Variants in UCK2 observed in about 807,000 individuals in gnomAD.
The protein encoded by UCK2 is uridine-cytidine kinase 2.
Under a neutral mutation model 30.8 loss-of-function variants are expected in UCK2, and 6 were observed. That is an observed-to-expected ratio of 0.19 (90% CI 0.11 to 0.38). UCK2 has a LOEUF of 0.38. UCK2 is among the 10% of genes least tolerant of loss of function. The pLI is 1.00. For missense variants in UCK2, 210 were observed against 339.8 expected (o/e 0.62, Z 3.00); for synonymous variants, 125 against 133.6 (o/e 0.94, Z 0.45).
At chr1:165,878,858 TG>T (rs1458756184) in intron 1 of UCK2, among the ~76,000 whole-genome samples, 2 of 152,268 alleles carry the variant, frequency 1.3e-5, no homozygotes, top group Non-Finnish European at 2.9e-5. Flanking sequence ...CTGGATTGTA[TG>T]GTAAGACTGT....
At chr1:165,833,375 C>T (rs376951061) in intron 1 of UCK2, among the ~76,000 whole-genome samples, 5 of 152,062 alleles carry the variant, frequency 3.3e-5, no homozygotes, top group Non-Finnish European at 5.9e-5. Context: ...CAAGGATGTC[C>T]GCATTTGCTG....
At chr1:165,905,246 G>A (rs530800090) in intron 5 of UCK2, among the ~76,000 whole-genome samples, 11 of 152,218 alleles carry the variant, frequency 7.2e-5, no homozygotes, top group Non-Finnish European at 1.5e-4. Context: ...ACTTTGGGAG[G>A]CCCAGGTGGG....
At chr1:165,883,785 A>T (rs904742307) in intron 1 of UCK2, among the ~76,000 whole-genome samples, 1 of 152,154 alleles carries the variant, frequency 6.6e-6, no homozygotes, top group Non-Finnish European at 1.5e-5. Flanking sequence ...GTTCTTCACA[A>T]TAAATCTTGC....
intron 3 of UCK2, chr1:165,894,203 G>C (rs896163098): frequency 6.6e-6 from 1 of 152,178 alleles, no homozygotes; most frequent in Non-Finnish European, 1.5e-5. Flanking sequence ...TTTCATATAA[G>C]GGATACTTAA....
intron 1 of UCK2, among the ~76,000 whole-genome samples, chr1:165,880,970 G>A (rs1021255388): frequency 1.3e-4 from 19 of 151,724 alleles, no homozygotes; most frequent in African/African-American, 3.6e-4. Context: ...TCAGGAGTTC[G>A]AGACCAGCCT....
At chr1:165,843,540 G>T (rs1372946529) in intron 1 of UCK2, among the ~76,000 whole-genome samples, 2 of 152,126 alleles carry the variant, frequency 1.3e-5, no homozygotes, top group Admixed American at 6.5e-5. Context: ...CACTTTGGGA[G>T]GTCAAGGCAG....
chr1:165,861,615 G>A (rs12122132), intron 1 of UCK2, among the ~76,000 whole-genome samples: 22,096 of 78,978 alleles, frequency 0.28, 2,905 homozygotes, highest in Middle Eastern at 0.38. Context: ...GCGACAGAGC[G>A]AGACTCCGTC....
chr1:165,837,653 C>G (rs907933872), intron 1 of UCK2, among the ~76,000 whole-genome samples: 4 of 152,172 alleles, frequency 2.6e-5, no homozygotes, highest in Non-Finnish European at 5.9e-5. Context: ...AGTCTATCTT[C>G]TCTAGACTGA....
chr1:165,899,053 C>T (rs1046148634), intron 4 of UCK2, among the ~76,000 whole-genome samples: 8 of 152,140 alleles, frequency 5.3e-5, no homozygotes, highest in Non-Finnish European at 1.2e-4. Flanking sequence ...GCTGGTTAGT[C>T]AGAAGCAGCT....
chr1:165,836,581 A>C (rs1187196305), intron 1 of UCK2, among the ~76,000 whole-genome samples: 1 of 152,228 alleles, frequency 6.6e-6, no homozygotes, highest in Non-Finnish European at 1.5e-5. Flanking sequence ...AAACCTCCAG[A>C]CTTGTAAAAG....
intron 1 of UCK2, among the ~76,000 whole-genome samples, chr1:165,883,305 G>A (rs370465033): frequency 6.6e-6 from 1 of 152,198 alleles, no homozygotes; most frequent in East Asian, 1.9e-4. Flanking sequence ...AACTGCAAAG[G>A]TGGCTGAAAA....
rs200313986 is a variant in UCK2, at chr1:165,891,215, G to C, written c.260-11G>C. On this transcript the variant is annotated splice_polypyrimidine_tract_variant and intron_variant, in intron 2 of 6. Coordinates refer to ENST00000367879, the MANE Select transcript of UCK2 (RefSeq NM_012474.5). ...AATTAAGAAACATTTTAACAATTTG[G>C]TATTTTTCAGATGCCTTTGACAATG... The C allele has an allele frequency of 2.5e-5, 41 of 1,612,120 alleles. No individual in the cohort carries two copies. In the African/African-American group the frequency reaches 5.3e-4, roughly 21 times the overall value.
At position 165,836,786 on chromosome 1, in the gene UCK2, T is replaced by C. The variant is rs112507769; in HGVS notation, c.99+8854T>C. ...TCATGTACCCTAGTTTGAAGACAAC[T>C]GATTTAGGTAGCTTGGTGTCTTAGT... On this transcript the variant is annotated intron_variant, in intron 1 of 6. Transcript: ENST00000367879. Among the ~76,000 whole-genome samples, 90 of 152,318 alleles carry C rather than the reference T, an allele frequency of 5.9e-4. 2 individuals carry two copies. Among genetic ancestry groups the C allele is most frequent in the African/African-American group, 2.0e-3 (83 of 41,578 alleles).
chr1:165,854,803 G>A (rs4431823), intron 1 of UCK2, among the ~76,000 whole-genome samples: 152,204 of 152,224 alleles, frequency 1, 76,092 homozygotes, highest in Middle Eastern at 1. Flanking sequence ...TCTAGTCCAT[G>A]AATACTACCT....
At position 165,908,256 on chromosome 1, in the gene UCK2, G is replaced by C. The variant is rs1246863447; in HGVS notation, c.*433G>C. 1 of 154,174 alleles carries C rather than the reference G, an allele frequency of 6.5e-6. No homozygotes were observed. The highest frequency in any genetic ancestry group is 1.4e-5 in the Non-Finnish European group (1 of 69,372). 9.6% of individuals were successfully genotyped at this position (154,174 alleles called of 1,614,324 possible). ...TGTGTCCCAGGGTGGGGAGGCTCGG[G>C]CATCTGTGAGAGACAGGGAGGGTGG... On this transcript the variant is annotated 3_prime_UTR_variant, in exon 7 of 7. Coordinates refer to ENST00000367879, the MANE Select transcript of UCK2 (RefSeq NM_012474.5).
chr1:165,890,593 AC>A (rs1655741332), intron 2 of UCK2, among the ~76,000 whole-genome samples: 1 of 152,174 alleles, frequency 6.6e-6, no homozygotes, highest in Non-Finnish European at 1.5e-5. Context: ...CTGTATCTGA[AC>A]AAAGGTGATT....
chr1:165,839,138 C>T (rs1557832285), intron 1 of UCK2, among the ~76,000 whole-genome samples: 1 of 151,900 alleles, frequency 6.6e-6, no homozygotes, highest in Non-Finnish European at 1.5e-5. Flanking sequence ...GAACTGTCAC[C>T]TATTTTGTTT....
chr1:165,877,659 G>A (rs1459498726), intron 1 of UCK2, among the ~76,000 whole-genome samples: 1 of 152,206 alleles, frequency 6.6e-6, no homozygotes, highest in African/African-American at 2.4e-5. Context: ...AACCATCGGC[G>A]TAATGAAGGC....
intron 4 of UCK2, chr1:165,900,445 G>A (rs1647418256): frequency 6.6e-6 from 1 of 152,240 alleles, no homozygotes; most frequent in Non-Finnish European, 1.5e-5. Flanking sequence ...AGTTCACAGA[G>A]GTAGGAGTTA....
Sources: gnomAD v4.1 joint callset for allele counts (sites outside exome capture counted in the v4.1 genomes callset) on GRCh38, gnomAD v4.1.1 for gene constraint, MANE v1.5 for transcripts, NCBI Gene and HGNC (gene_info 2026-07-23, HGNC 2026-07-21) for gene names.